CADM1: variants seen among roughly 807,000 people sequenced by gnomAD.
CADM1 encodes the protein cell adhesion molecule 1.
Under a neutral mutation model 53.1 loss-of-function variants are expected in CADM1, and 15 were observed. That is an observed-to-expected ratio of 0.28 (90% confidence interval 0.19 to 0.44). The LOEUF is 0.44. CADM1 is among the 20% of genes least tolerant of loss of function. CADM1 has a pLI of 1.00. For synonymous variants in CADM1, 281 were observed against 243.0 expected, an observed-to-expected ratio of 1.16 and a Z score of -1.45; for missense variants, 434 against 611.3, an observed-to-expected ratio of 0.71 and a Z score of 3.06.
At chr11:115,186,704 G>T (rs562289210) in intron 10 of CADM1, among the ~76,000 whole-genome samples, 1 of 152,152 alleles carries the variant, frequency 6.6e-6, no homozygotes, top group Admixed American at 6.5e-5. Context: ...CTATTATCTG[G>T]CTCATTCTCA....
chr11:115,238,561 T>A lies in CADM1; in HGVS notation c.363A>T (p.Arg121Ser). 6.2e-7 allele frequency: 1 copy of A among 1,613,948 alleles called. No individual in the cohort carries two copies. The highest frequency in any genetic ancestry group is 8.5e-7 in the Non-Finnish European group (1 of 1,179,892). Reference protein sequence around the residue: ...LTNVSISDEGRYFCQLYTDPP... With the variant: ...LTNVSISDEGSYFCQLYTDPP... ...GATCGGTATAGAGCTGGCAAAAGTA[T>A]CTTCCTTCATCAGAAATTGAGACGT... The change falls in exon 3 of 12, where the codon AGA becomes AGT. Residue 121 changes from arginine to serine, a missense_variant. Physicochemically the swap from Arg to Ser is moderately radical, Grantham distance 110. This residue lies in a region of CADM1 where 311 missense variants were observed against 435.1 expected (regional missense o/e 0.71). Coordinates refer to ENST00000331581, the MANE Select transcript of CADM1 (RefSeq NM_001301043.2).
At chr11:115,306,863 T>C (rs1440701829) in intron 1 of CADM1, among the ~76,000 whole-genome samples, 1 of 152,030 alleles carries the variant, frequency 6.6e-6, no homozygotes, top group African/African-American at 2.4e-5. Flanking sequence ...ATTTGGTTAA[T>C]GCACTTTCTA....
At chr11:115,218,690 G>A (rs1233092070) in intron 5 of CADM1, among the ~76,000 whole-genome samples, 1 of 152,196 alleles carries the variant, frequency 6.6e-6, no homozygotes, top group African/African-American at 2.4e-5. Context: ...AGCCCCATAA[G>A]TGTATGTTGG....
Position 115,504,335 on chromosome 11 carries a change from C to T in CADM1, c.60G>A (p.Ala20=), listed in dbSNP as rs1565459790. Residue 20 remains alanine, a synonymous_variant, in exon 1 of 12, where the codon GCG becomes GCA. Transcript: ENST00000331581. ...SQCAAAAAAA[A]PPGLRLRLLL... The stretch of plus-strand genomic sequence containing the variant: ...GAAGCCGGAGCCGGAGCCCGGGAGG[C>T]GCCGCCGCCGCCGCTGCCGCCGCAC... The T allele has an allele frequency of 1.9e-6, 3 of 1,546,916 alleles. No homozygotes were observed. The highest frequency in any genetic ancestry group is 1.2e-5 in the South Asian group (1 of 83,930).
intron 1 of CADM1, among the ~76,000 whole-genome samples, chr11:115,440,168 TC>T (rs1345170964): frequency 6.6e-6 from 1 of 152,234 alleles, no homozygotes; most frequent in Non-Finnish European, 1.5e-5. Flanking sequence ...GGCATAATCA[TC>T]TTTTTGGCAT....
chr11:115,361,078 T>C (rs1168007859), intron 1 of CADM1, among the ~76,000 whole-genome samples: 1 of 152,168 alleles, frequency 6.6e-6, no homozygotes, highest in East Asian at 1.9e-4. Flanking sequence ...CCCTACTTCT[T>C]GATCTCAAAT....
Position 115,169,601 on chromosome 11 carries a change from G to T in CADM1, c.*6873C>A. ...ATAGCTGCCCTCATCACTTTATTCT[G>T]GGAGAGGAGGTTAGAGAAAACAGGC... On this transcript the variant is annotated 3_prime_UTR_variant, in exon 12 of 12. Transcript: ENST00000331581. The T allele has an allele frequency of 2.2e-6, 1 of 456,608 alleles. No individual in the cohort carries two copies. Among genetic ancestry groups the T allele is most frequent in the Non-Finnish European group, 4.4e-6 (1 of 226,938 alleles). 28.3% of individuals were successfully genotyped at this position (456,608 alleles called of 1,614,324 possible).
intron 1 of CADM1, among the ~76,000 whole-genome samples, chr11:115,253,443 C>T (rs1942671548): frequency 6.6e-6 from 1 of 152,140 alleles, no homozygotes; most frequent in East Asian, 1.9e-4. Context: ...GCTCCTATGG[C>T]ATCACGGGAC....
chr11:115,444,235 A>T (rs927805150), intron 1 of CADM1, among the ~76,000 whole-genome samples: 1 of 152,212 alleles, frequency 6.6e-6, no homozygotes, highest in Admixed American at 6.5e-5. Flanking sequence ...GAGTTAATAA[A>T]GCCTTCTGCA....
intron 1 of CADM1, among the ~76,000 whole-genome samples, chr11:115,317,983 TACACACACACACACAC>T (rs35753948): frequency 1.3e-4 from 20 of 149,194 alleles, no homozygotes; most frequent in African/African-American, 4.7e-4. Context: ...TATTACACAC[TACACACACACACACAC>T]ACACACACAC....
intron 1 of CADM1, among the ~76,000 whole-genome samples, chr11:115,346,551 G>A (rs1306732172): frequency 6.6e-6 from 1 of 151,966 alleles, no homozygotes; most frequent in East Asian, 1.9e-4. Context: ...TTATTGTTTT[G>A]TTTTTTCTTA....
rs571418207 is a variant in CADM1, at chr11:115,265,144, C to T, written c.125-24724G>A. 7.2e-5 allele frequency among the ~76,000 whole-genome samples: 11 copies of T among 152,298 alleles called. No individual in the cohort carries two copies. In the East Asian group the frequency reaches 1.7e-3, roughly 24 times the overall value. ...CATGCCCCTCCCCTTCTTGAATATA[C>T]ACACTTACATCAGGAAAACAGTTTT... On this transcript the variant is annotated intron_variant, in intron 1 of 11. Coordinates refer to ENST00000331581, the MANE Select transcript of CADM1 (RefSeq NM_001301043.2).
At chr11:115,322,903 T>C (rs1392724797) in intron 1 of CADM1, among the ~76,000 whole-genome samples, 1 of 152,174 alleles carries the variant, frequency 6.6e-6, no homozygotes, top group African/African-American at 2.4e-5. Context: ...ATAATATTCA[T>C]GTACATGTTT....
At chr11:115,206,755 C>CTTTTTTTTTTTTT (rs1194703150) in intron 8 of CADM1, among the ~76,000 whole-genome samples, 8 of 5,442 alleles carry the variant, frequency 1.5e-3, no homozygotes, top group Non-Finnish European at 3.0e-3. Context: ...TGACTGTGGA[C>CTTTTTTTTTTTTT]TTCTTTTTTT....
In CADM1 at chr11:115,174,266, ATTTTTT is replaced by A. The variant is rs10565366; in HGVS notation, c.*2202_*2207del. 1.2e-6 allele frequency: 1 copy of A among 800,876 alleles called. No homozygotes were observed. 49.6% of individuals were successfully genotyped at this position (800,876 alleles called of 1,614,324 possible). On this transcript the variant is annotated 3_prime_UTR_variant, in exon 12 of 12. Transcript: ENST00000331581. ...TGCCAATTCTGTGAGCAATGGTGTGATTTTTTTTTTTTGTTTTTGTTTTTGTTTTTC... is the reference window on the plus strand; with the variant it reads ...TGCCAATTCTGTGAGCAATGGTGTGATTTTTTGTTTTTGTTTTTGTTTTTC...
At chr11:115,340,658 A>ATATTTTTTTTTTTTTTTT (rs60532835) in intron 1 of CADM1, among the ~76,000 whole-genome samples, 1 of 34,944 alleles carries the variant, frequency 2.9e-5, no homozygotes, top group African/African-American at 1.4e-4. Flanking sequence ...ATATATATAT[A>ATATTTTTTTTTTTTTTTT]TTTTTTTTTT....
chr11:115,499,027 T>A (rs1949678910), intron 1 of CADM1, among the ~76,000 whole-genome samples: 2 of 150,802 alleles, frequency 1.3e-5, no homozygotes, highest in South Asian at 2.1e-4. Context: ...TTTTCCATAA[T>A]AAAATGGGAA....
intron 1 of CADM1, among the ~76,000 whole-genome samples, chr11:115,383,029 A>G (rs1344348340): frequency 1.3e-5 from 2 of 152,236 alleles, no homozygotes; most frequent in Non-Finnish European, 2.9e-5. Context: ...AAACTCTGAC[A>G]TATCTTAAAA....
At chr11:115,405,835 G>C (rs1456405859) in intron 1 of CADM1, among the ~76,000 whole-genome samples, 1 of 152,138 alleles carries the variant, frequency 6.6e-6, no homozygotes, top group Non-Finnish European at 1.5e-5. Context: ...ATGGACATGG[G>C]ATTGATAAAC....
Sources: allele counts gnomAD v4.1 joint callset (sites outside exome capture counted in the v4.1 genomes callset), GRCh38; gene constraint gnomAD v4.1.1; regional missense constraint gnomAD v4.1.1; transcripts MANE v1.5; gene names NCBI Gene and HGNC (gene_info 2026-07-23, HGNC 2026-07-21).